UST: variants seen among roughly 807,000 people sequenced by gnomAD.
UST encodes uronyl 2-sulfotransferase, also known as chondroitin sulfate 2-O-sulfotransferase.
A neutral mutation model predicts 45.6 loss-of-function variants in UST; 21 were observed. The ratio of observed to expected loss-of-function variants is 0.46; its 90% CI spans 0.33 to 0.66. The LOEUF (loss-of-function observed/expected upper bound fraction) is 0.66. Ranked by LOEUF, UST falls within the 30% of genes least tolerant of loss-of-function variation. The probability of loss-of-function intolerance (pLI) is 0.02; values close to 1 mark genes in which losing one functional copy is unlikely to be tolerated. For missense variants in UST, 463 were observed against 512.4 expected, an observed-to-expected ratio of 0.90 and a Z score of 0.93; for synonymous variants, 215 against 200.6, an observed-to-expected ratio of 1.07 and a Z score of -0.61.
intron 1 of UST, among the ~76,000 whole-genome samples, chr6:148,825,924 G>T (rs1222291245): frequency 6.6e-6 from 1 of 152,124 alleles, no homozygotes; most frequent in Non-Finnish European, 1.5e-5. Flanking sequence ...CAGAGTTGTA[G>T]GTAGGGGTGT....
chr6:148,857,582 G>A (rs139058004), intron 1 of UST, among the ~76,000 whole-genome samples: 12 of 152,230 alleles, frequency 7.9e-5, no homozygotes, highest in African/African-American at 2.6e-4. Context: ...ATGAGGAAAA[G>A]AGACTCAGAA....
chr6:149,042,374 C>T (rs1776326313), intron 7 of UST, among the ~76,000 whole-genome samples: 1 of 152,230 alleles, frequency 6.6e-6, no homozygotes, highest in East Asian at 1.9e-4. Context: ...CATTATCTCA[C>T]ATCTTTGGCC....
rs1274098739 is a variant in UST at position 148,748,941 on chromosome 6, A to AAAACAAAC, written c.247+1272_247+1279dup. On this transcript the variant is annotated intron_variant, in intron 1 of 7. Transcript: ENST00000367463. This position sits in a 1 kb window ranked among gnomAD's most constrained non-coding sequence, Gnocchi z 5.3. ...AAAGAAAAGGAAAAAAAAAAAACCC[A>AAAACAAAC]AAACAAACAAACAAAACAAAGCAAA... Among the ~76,000 whole-genome samples, 1 of 151,908 alleles carries AAAACAAAC rather than the reference A, an allele frequency of 6.6e-6. No individual in the cohort carries two copies.
intron 1 of UST, among the ~76,000 whole-genome samples, chr6:148,831,801 A>AG (rs1431770269): frequency 6.6e-6 from 1 of 152,126 alleles, no homozygotes; most frequent in East Asian, 1.9e-4. Context: ...CTTAAAAAAA[A>AG]TAAAAAAAAG....
chr6:149,072,459 G>C (rs892761624), intron 7 of UST, among the ~76,000 whole-genome samples: 2 of 152,022 alleles, frequency 1.3e-5, no homozygotes, highest in African/African-American at 4.8e-5. Context: ...TTCGAGACCA[G>C]CCTGACCAAC....
At chr6:149,053,194 T>G (rs1776514160) in intron 7 of UST, among the ~76,000 whole-genome samples, 1 of 152,234 alleles carries the variant, frequency 6.6e-6, no homozygotes, top group South Asian at 2.1e-4. Context: ...CTGTTAAATT[T>G]ATAGTGAATT....
rs143144816 is a variant in UST, at chr6:148,960,616, C to T, written c.528-3794C>T. Among the ~76,000 whole-genome samples the T allele has an allele frequency of 7.3e-3, 1,104 of 152,260 alleles. 5 individuals are homozygous for T. Among genetic ancestry groups the T allele is most frequent in the Non-Finnish European group, 0.011 (747 of 68,020 alleles). On this transcript the variant is annotated intron_variant, in intron 4 of 7. Coordinates refer to ENST00000367463, the MANE Select transcript of UST (RefSeq NM_005715.3). ...GAGTTTCCATTTGTGAACGTGAAAACGTTTTGGAGACGGGTGATAATGATG... is the reference window on the plus strand; with the variant it reads ...GAGTTTCCATTTGTGAACGTGAAAATGTTTTGGAGACGGGTGATAATGATG...
intron 2 of UST, among the ~76,000 whole-genome samples, chr6:148,895,502 C>A (rs190192034): frequency 6.6e-6 from 1 of 152,146 alleles, no homozygotes; most frequent in Admixed American, 6.5e-5. Context: ...CCTAACTAAC[C>A]GTTAGGCTAA....
chr6:148,942,720 G>A (rs991497584), intron 3 of UST, among the ~76,000 whole-genome samples: 1 of 152,076 alleles, frequency 6.6e-6, no homozygotes, highest in East Asian at 1.9e-4. Flanking sequence ...TTTATCTTGG[G>A]GGAAAGTAGA....
intron 7 of UST, among the ~76,000 whole-genome samples, chr6:149,064,466 CTGA>C (rs1032801880): frequency 3.3e-5 from 5 of 152,244 alleles, no homozygotes; most frequent in Admixed American, 2.0e-4. Flanking sequence ...AAAGTGCCAA[CTGA>C]TGATGATGAT....
intron 1 of UST, among the ~76,000 whole-genome samples, chr6:148,798,851 GATTTATTTATTTATTT>G (rs67953897): frequency 7.5e-4 from 113 of 149,744 alleles, no homozygotes; most frequent in African/African-American, 2.5e-3. Context: ...GAGGAGATAG[GATTTATTTATTTATTT>G]ATTTATTTAT....
chr6:149,023,104 GTGTGTGTGTGTGTGT>G (rs1562332128), intron 7 of UST, among the ~76,000 whole-genome samples: 15 of 5,238 alleles, frequency 2.9e-3, no homozygotes, highest in African/African-American at 4.8e-3. Flanking sequence ...GTTCTATGGT[GTGTGTGTGTGTGTGT>G]GTGTGTGTGT....
chr6:148,874,709 C>T (rs1778616314), intron 1 of UST, among the ~76,000 whole-genome samples: 2 of 152,160 alleles, frequency 1.3e-5, no homozygotes, highest in Admixed American at 6.5e-5. Flanking sequence ...CAGCAATTTT[C>T]CTTCATCACA....
intron 2 of UST, among the ~76,000 whole-genome samples, chr6:148,895,629 T>G (rs1371168921): frequency 2.0e-5 from 3 of 152,206 alleles, no homozygotes; most frequent in Non-Finnish European, 4.4e-5. Flanking sequence ...GGTGGTTTCC[T>G]CCATACTGTT....
At position 148,960,471 on chromosome 6, in the gene UST, G is replaced by C. The variant is rs182161649; in HGVS notation, c.528-3939G>C. On this transcript the variant is annotated intron_variant, in intron 4 of 7. Coordinates refer to ENST00000367463, the MANE Select transcript of UST (RefSeq NM_005715.3). ...TACTTTTCACCCTTTAATGTAGATA[G>C]TGGCACAAAGATAACCTCTGCTTCC... Among the ~76,000 whole-genome samples the C allele has an allele frequency of 9.5e-4, 144 of 152,330 alleles. 1 individual carries two copies. The highest frequency in any genetic ancestry group is 1.8e-3 in the Non-Finnish European group (120 of 68,030).
chr6:148,931,625 G>A (rs187348814), intron 2 of UST, among the ~76,000 whole-genome samples: 1 of 152,294 alleles, frequency 6.6e-6, no homozygotes, highest in East Asian at 1.9e-4. Context: ...TTGGACGACT[G>A]AATACATAGC....
chr6:148,924,640 T>TG lies in UST; in HGVS notation c.292-16633dup, dbSNP rs570073404. Among the ~76,000 whole-genome samples, 14 of 152,234 alleles carry TG rather than the reference T, an allele frequency of 9.2e-5. No individual in the cohort carries two copies. The South Asian group carries it at 2.7e-3, about 29-fold the overall frequency. ...AATTGTATCCCCAGATACGTTAGTG[T>TG]GGGGGGACACTCTGAATTTCCCCTA... On this transcript the variant is annotated intron_variant, in intron 2 of 7. Transcript: ENST00000367463.
rs1221686744 is a variant in UST at position 148,747,533 on chromosome 6, G to A, written c.103G>A (p.Val35Met). 3.2e-6 allele frequency: 5 copies of A among 1,550,324 alleles called. No individual in the cohort carries two copies. The highest frequency in any genetic ancestry group is 4.3e-6 in the Non-Finnish European group (5 of 1,149,568). The change falls in exon 1 of 8, where the codon GTG becomes ATG. Residue 35 changes from valine (V) to methionine (M), a missense_variant. Coordinates refer to ENST00000367463, the MANE Select transcript of UST (RefSeq NM_005715.3). ...GGGCCTGGGCAGCTGGAAGCGTCGGGTGCCCCTGCTGCCTTTCCTGCGCTT... is the reference window on the plus strand; with the variant it reads ...GGGCCTGGGCAGCTGGAAGCGTCGGATGCCCCTGCTGCCTTTCCTGCGCTT... The part of the protein sequence containing the change: ...PPGLGSWKRR[V>M]PLLPFLRFSL...
At chr6:148,960,032 T>C (rs964566061) in intron 4 of UST, among the ~76,000 whole-genome samples, 7 of 151,996 alleles carry the variant, frequency 4.6e-5, no homozygotes, top group Non-Finnish European at 7.4e-5. Flanking sequence ...CTGACACCTG[T>C]AATCCCAGCA....
Sources: allele counts gnomAD v4.1 joint callset (sites outside exome capture counted in the v4.1 genomes callset), GRCh38; gene constraint gnomAD v4.1.1; non-coding constraint Gnocchi (gnomAD v3.1); transcripts MANE v1.5; gene names NCBI Gene and HGNC (gene_info 2026-07-23, HGNC 2026-07-21).